PTPN21: variants seen among roughly 807,000 people sequenced by gnomAD.
The protein encoded by PTPN21 is protein tyrosine phosphatase non-receptor type 21, also known as tyrosine-protein phosphatase non-receptor type 21.
In PTPN21, 77 loss-of-function variants were observed where a neutral mutation model predicts 131.8. The observed-to-expected ratio is 0.58, with a 90% confidence interval of 0.49 to 0.71. The LOEUF (loss-of-function observed/expected upper bound fraction) is 0.71. Among genes scored for constraint, PTPN21 ranks in the 30% least tolerant of loss-of-function variants. The pLI is 0.00. For synonymous variants in PTPN21, 715 were observed against 621.3 expected (o/e 1.15, Z -2.24); for missense variants, 1,552 against 1,527.1 (o/e 1.02, Z -0.27).
In PTPN21 at chr14:88,495,577, T is replaced by C. The variant is rs2077899412; in HGVS notation, c.932+836A>G. ...CGGGAGGCTGAGGCAGGAGAATCAC[T>C]TGAACCGGGGGCTCAGGGGGAGGAC... On this transcript the variant is annotated intron_variant, in intron 10 of 18. Coordinates refer to ENST00000556564, the MANE Select transcript of PTPN21 (RefSeq NM_007039.4). 2.6e-5 allele frequency among the ~76,000 whole-genome samples: 4 copies of C among 152,118 alleles called. No homozygotes were observed. The South Asian group carries it at 8.3e-4, about 32-fold the overall frequency.
chr14:88,483,857 A>G (rs940460039), intron 12 of PTPN21, among the ~76,000 whole-genome samples: 2 of 152,152 alleles, frequency 1.3e-5, no homozygotes, highest in South Asian at 2.1e-4. Flanking sequence ...TATTTGTGCC[A>G]GGAGTGGTGG....
Position 88,479,717 on chromosome 14 carries a change from G to C in PTPN21, c.1714C>G (p.Pro572Ala). The change falls in exon 13 of 19, where the codon CCC (proline) becomes GCC (alanine). Residue 572 changes from proline (P) to alanine (A), a missense_variant. Pro to Ala is a conservative substitution (Grantham distance 27). Around this residue, in one of 4 missense-constraint regions of PTPN21, gnomAD observed 1,016 missense variants for 883.5 expected, o/e 1.15. Coordinates refer to ENST00000556564, the MANE Select transcript of PTPN21 (RefSeq NM_007039.4). ...VYRPPPPYPP[P>A]RPANSTPDLS... Reference sequence around the variant, plus strand: ...TCTGGCGTGCTGTTGGCGGGCCTGGGGGGCGGGTAGGGTGGGGGTGGCCGG... The same window carrying C: ...TCTGGCGTGCTGTTGGCGGGCCTGGCGGGCGGGTAGGGTGGGGGTGGCCGG... 2.0e-6 allele frequency: 3 copies of C among 1,513,686 alleles called. No individual in the cohort carries two copies. Among genetic ancestry groups the C allele is most frequent in the Non-Finnish European group, 2.6e-6 (3 of 1,141,122 alleles). 93.8% of individuals were successfully genotyped at this position (1,513,686 alleles called of 1,614,324 possible). A position where few individuals can be genotyped will look rare whatever the true frequency, so the allele number is the denominator to read the frequency against.
chr14:88,490,527 C>A (rs2077807696), intron 10 of PTPN21, among the ~76,000 whole-genome samples: 2 of 152,180 alleles, frequency 1.3e-5, no homozygotes, highest in South Asian at 4.1e-4. Flanking sequence ...CTCTACACTT[C>A]TGGGGCTCAG....
In PTPN21 at chr14:88,473,692, C is replaced by G. The variant is rs770443356; in HGVS notation, c.2622G>C (p.Val874=). 12 of 1,613,034 alleles carry G rather than the reference C, an allele frequency of 7.4e-6. No individual in the cohort carries two copies. Among genetic ancestry groups the G allele is most frequent in the Non-Finnish European group, 1.0e-5 (12 of 1,179,816 alleles). Residue 874 remains valine (V), a synonymous_variant, in exon 14 of 19, where the codon GTG becomes GTC. Coordinates refer to ENST00000556564, the MANE Select transcript of PTPN21 (RefSeq NM_007039.4). ...TTTCATCATTCGTTGCTCTGGTAGC[C>G]ACTTCCTTTCCTTCATCAGGCAGAG... The part of the protein sequence containing the change: ...RVPLPDEGKE[V]ATRATNDERC...
intron 12 of PTPN21, 28 bp from the exon 13 acceptor site, chr14:88,480,380 T>A (rs1464414193): frequency 1.3e-6 from 2 of 1,531,606 alleles, no homozygotes; most frequent in African/African-American, 2.7e-5. Flanking sequence ...AAAATGAGAT[T>A]TTTTTAAATG....
intron 15 of PTPN21, among the ~76,000 whole-genome samples, chr14:88,470,818 T>TA (rs1198524064): frequency 6.6e-6 from 1 of 152,182 alleles, no homozygotes; most frequent in Non-Finnish European, 1.5e-5. Flanking sequence ...AGGAGGGGAC[T>TA]AGTGAGAAGC....
Position 88,479,259 on chromosome 14 carries a change from C to T in PTPN21, c.2172G>A (p.Gly724=), listed in dbSNP as rs1595349938. 2 of 1,612,196 alleles carry T rather than the reference C, an allele frequency of 1.2e-6. No homozygotes were observed. The highest frequency in any genetic ancestry group is 1.1e-5 in the South Asian group (1 of 90,990). ...EEDEDFEEES[G]ARAPPARARE... The stretch of plus-strand genomic sequence containing the variant: ...GCGCACGTGCAGGAGGCGCCCGGGC[C>T]CCGCTCTCCTCCTCGAAGTCCTCGT... The change falls in exon 13 of 19, where the codon GGG becomes GGA. Residue 724 remains glycine, a synonymous_variant. Coordinates refer to ENST00000556564, the MANE Select transcript of PTPN21 (RefSeq NM_007039.4).
chr14:88,505,159 A>C (rs2078068046), intron 5 of PTPN21, 145 bp downstream of exon 5: 2 of 646,986 alleles, frequency 3.1e-6, no homozygotes, highest in Non-Finnish European at 5.2e-6. Flanking sequence ...AAGCAGTCAC[A>C]CTTGAGATGT....
In PTPN21 at chr14:88,485,198, T is replaced by C. The variant is rs559503005; in HGVS notation, c.994-38A>G. 12 of 1,327,544 alleles carry C rather than the reference T, an allele frequency of 9.0e-6. No individual in the cohort carries two copies. The South Asian group carries it at 1.5e-4, about 16-fold the overall frequency. 82.2% of individuals were successfully genotyped at this position (1,327,544 alleles called of 1,614,324 possible). A position where few individuals can be genotyped will look rare whatever the true frequency, so the allele number is the denominator to read the frequency against. ...GAGTTTGACACAGGGTTGAAACACA[T>C]TGCTTATGTAATACAGGTAAAGTTA... is the stretch of plus-strand genomic sequence containing the variant. On this transcript the variant is annotated intron_variant, in intron 11 of 18. Coordinates refer to ENST00000556564, the MANE Select transcript of PTPN21 (RefSeq NM_007039.4).
At chr14:88,538,879 G>C (rs1198919622) in intron 2 of PTPN21, among the ~76,000 whole-genome samples, 1 of 152,166 alleles carries the variant, frequency 6.6e-6, no homozygotes, top group African/African-American at 2.4e-5. Flanking sequence ...TTTTTGTGAA[G>C]ATCAAAATAA....
intron 2 of PTPN21, among the ~76,000 whole-genome samples, chr14:88,540,600 G>T (rs1029446926): frequency 6.6e-6 from 1 of 152,168 alleles, no homozygotes; most frequent in Non-Finnish European, 1.5e-5. Flanking sequence ...TTGACATTGA[G>T]GTTCATTTGA....
At chr14:88,491,221 G>A (rs1476929481) in intron 10 of PTPN21, among the ~76,000 whole-genome samples, 1 of 152,168 alleles carries the variant, frequency 6.6e-6, no homozygotes, top group Non-Finnish European at 1.5e-5. Flanking sequence ...GGAGGGAGAA[G>A]GCTGTTGGAT....
At chr14:88,544,136 G>C (rs1311913070) in intron 2 of PTPN21, among the ~76,000 whole-genome samples, 1 of 152,182 alleles carries the variant, frequency 6.6e-6, no homozygotes, top group African/African-American at 2.4e-5. Flanking sequence ...CCTGAGGTCA[G>C]GAGTTCAAGA....
rs138164494 is a variant in PTPN21, at chr14:88,492,295, T to C, written c.932+4118A>G. 1.7e-4 allele frequency among the ~76,000 whole-genome samples: 26 copies of C among 152,330 alleles called. No individual in the cohort carries two copies. The East Asian group carries it at 5.0e-3, about 29-fold the overall frequency. On this transcript the variant is annotated intron_variant, in intron 10 of 18. Coordinates refer to ENST00000556564, the MANE Select transcript of PTPN21 (RefSeq NM_007039.4). Reference sequence around the variant, plus strand: ...TTGAATCTTAGAACTTACTTCTGCATAGAAATCATGCCACATATGGCTGGA... The same window carrying C: ...TTGAATCTTAGAACTTACTTCTGCACAGAAATCATGCCACATATGGCTGGA...
chr14:88,494,430 G>A (rs924058514), intron 10 of PTPN21, among the ~76,000 whole-genome samples: 2 of 152,174 alleles, frequency 1.3e-5, no homozygotes, highest in African/African-American at 4.8e-5. Context: ...CCCTTTGAGA[G>A]GCCGGGGCAG....
chr14:88,474,825 G>A (rs1188044938), intron 13 of PTPN21, among the ~76,000 whole-genome samples: 4 of 152,144 alleles, frequency 2.6e-5, no homozygotes, highest in South Asian at 4.1e-4. Context: ...AGAACACTAA[G>A]TTGACCAGGT....
At chr14:88,471,445 A>G (rs574026046) in intron 15 of PTPN21, among the ~76,000 whole-genome samples, 44 of 152,312 alleles carry the variant, frequency 2.9e-4, no homozygotes, top group South Asian at 1.5e-3. Flanking sequence ...CCAAGAACAT[A>G]CACTAGGGAA....
intron 2 of PTPN21, among the ~76,000 whole-genome samples, chr14:88,549,896 A>AGGAT (rs1028290864): frequency 3.3e-5 from 5 of 151,776 alleles, no homozygotes; most frequent in African/African-American, 1.2e-4. Context: ...CCGAGTAGGT[A>AGGAT]GGATGACAGG....
intron 3 of PTPN21, among the ~76,000 whole-genome samples, chr14:88,508,423 C>T (rs140763915): frequency 0.015 from 2,268 of 152,166 alleles, 37 homozygotes; most frequent in South Asian, 0.075. Context: ...GTTGGGACTA[C>T]GGACATGAAC....
Sources: allele counts gnomAD v4.1 joint callset (sites outside exome capture counted in the v4.1 genomes callset), GRCh38; gene constraint gnomAD v4.1.1; regional missense constraint gnomAD v4.1.1; transcripts MANE v1.5; gene names NCBI Gene and HGNC (gene_info 2026-07-23, HGNC 2026-07-21).